The following STON2 variants were observed in gnomAD, a reference collection of about 807,000 sequenced individuals.
The protein encoded by STON2 is stonin 2, also known as stonin-2.
A neutral mutation model predicts 65.7 loss-of-function variants in STON2; 29 were observed. The ratio of observed to expected loss-of-function variants is 0.44; its 90% CI spans 0.33 to 0.60. The LOEUF (loss-of-function observed/expected upper bound fraction) is 0.60. Among genes scored for constraint, STON2 ranks in the 20% least tolerant of loss-of-function variants. The probability of loss-of-function intolerance (pLI) is 0.03; values close to 1 mark genes in which losing one functional copy is unlikely to be tolerated. For synonymous variants in STON2, 404 were observed against 414.2 expected, an observed-to-expected ratio of 0.98 and a Z score of 0.30; for missense variants, 1,054 against 1,118.1, an observed-to-expected ratio of 0.94 and a Z score of 0.82.
At position 81,391,618 on chromosome 14, in the gene STON2, T is replaced by C. The variant is rs149816320; in HGVS notation, c.373+4276A>G. Among the ~76,000 whole-genome samples the C allele has an allele frequency of 2.6e-5, 4 of 152,352 alleles. No individual in the cohort carries two copies. The East Asian group carries it at 7.7e-4, about 29-fold the overall frequency. On this transcript the variant is annotated intron_variant, in intron 3 of 7. Transcript: ENST00000614646. ...TGTACTCTGCAGCTTTTGATTCAGT[T>C]TAGGTTCATTGATGGGTCAAGTTGG... is the stretch of plus-strand genomic sequence containing the variant.
chr14:81,284,634 T>A (rs560270572), intron 5 of STON2, among the ~76,000 whole-genome samples: 13 of 152,294 alleles, frequency 8.5e-5, no homozygotes, highest in Admixed American at 8.5e-4. Flanking sequence ...ATCCAAAATA[T>A]TTACCTAATA....
chr14:81,396,003 A>C lies in STON2; in HGVS notation c.264T>G (p.Pro88=). The change falls in exon 3 of 8, where the codon CCT becomes CCG. Residue 88 remains proline, a synonymous_variant. Transcript: ENST00000614646. ...AGGCCAGGTCAGGTGGGGGCTGCTC[A>C]GGGCTCCCAGGTGGGGAAGCTGCTT... ...ISEAASPPGS[P]EQPPPDLASA... 6.2e-7 allele frequency: 1 copy of C among 1,614,148 alleles called. No homozygotes were observed. Among genetic ancestry groups the C allele is most frequent in the Admixed American group, 1.7e-5 (1 of 60,030 alleles).
chr14:81,313,994 G>C (rs1896531902), intron 5 of STON2, among the ~76,000 whole-genome samples: 1 of 152,188 alleles, frequency 6.6e-6, no homozygotes, highest in Non-Finnish European at 1.5e-5. Context: ...AGGTGATGTG[G>C]TGTGTGACTA....
At chr14:81,307,163 T>G (rs1291126089) in intron 5 of STON2, among the ~76,000 whole-genome samples, 1 of 152,158 alleles carries the variant, frequency 6.6e-6, no homozygotes, top group Non-Finnish European at 1.5e-5. Flanking sequence ...AAGAGAAATT[T>G]AAAAAACACA....
intron 4 of STON2, among the ~76,000 whole-genome samples, chr14:81,363,877 C>G (rs1843563240): frequency 1.3e-5 from 2 of 152,192 alleles, no homozygotes; most frequent in African/African-American, 2.4e-5. Flanking sequence ...CAAATCTGGG[C>G]CCTCCACTCT....
At chr14:81,309,350 A>G (rs1185687286) in intron 5 of STON2, among the ~76,000 whole-genome samples, 1 of 152,212 alleles carries the variant, frequency 6.6e-6, no homozygotes, top group African/African-American at 2.4e-5. Flanking sequence ...TCTAGTCTGT[A>G]TAATTCTAGA....
At chr14:81,345,947 C>T (rs1897794785) in intron 4 of STON2, among the ~76,000 whole-genome samples, 1 of 152,086 alleles carries the variant, frequency 6.6e-6, no homozygotes, top group Admixed American at 6.5e-5. Flanking sequence ...TTGTTGACAG[C>T]CCTGTTTGCA....
chr14:81,269,118 G>A (rs1894471871), intron 7 of STON2, among the ~76,000 whole-genome samples: 1 of 152,090 alleles, frequency 6.6e-6, no homozygotes, highest in South Asian at 2.1e-4. Flanking sequence ...TGATTCTCCT[G>A]CCTCATCCTC....
At chr14:81,339,005 G>A (rs937124835) in intron 4 of STON2, among the ~76,000 whole-genome samples, 9 of 152,088 alleles carry the variant, frequency 5.9e-5, no homozygotes, top group South Asian at 2.1e-4. Flanking sequence ...AAGAGTGTGT[G>A]TAGGGAGCAA....
Position 81,266,755 on chromosome 14 carries a change from C to T in STON2, c.*1659G>A. ...CCTCCATTTCTGTAAGGAAATATTT[C>T]TCTATAAACTACCGTGAAACCAGGT... On this transcript the variant is annotated 3_prime_UTR_variant, in exon 8 of 8. Transcript: ENST00000614646. 1.0e-6 allele frequency: 1 copy of T among 985,338 alleles called. No homozygotes were observed. The highest frequency in any genetic ancestry group is 1.2e-6 in the Non-Finnish European group (1 of 829,918). 61.0% of individuals were successfully genotyped at this position (985,338 alleles called of 1,614,324 possible).
intron 5 of STON2, among the ~76,000 whole-genome samples, chr14:81,293,869 G>C (rs1193192039): frequency 6.6e-6 from 1 of 152,174 alleles, no homozygotes; most frequent in Non-Finnish European, 1.5e-5. Flanking sequence ...GCACTGACCA[G>C]ATTGCTGATT....
intron 3 of STON2, among the ~76,000 whole-genome samples, chr14:81,376,370 G>A (rs181962625): frequency 3.5e-4 from 53 of 151,900 alleles, no homozygotes; most frequent in African/African-American, 1.2e-3. Flanking sequence ...ACATAAATAC[G>A]GATAAAACTA....
At chr14:81,422,268 T>G (rs73344104) in intron 2 of STON2, among the ~76,000 whole-genome samples, 3,646 of 152,130 alleles carry the variant, frequency 0.024, 151 homozygotes, top group African/African-American at 0.082. Context: ...AGAACTGAAG[T>G]TGAAAAGAGC....
intron 4 of STON2, among the ~76,000 whole-genome samples, chr14:81,369,561 G>C (rs926296306): frequency 6.6e-6 from 1 of 152,194 alleles, no homozygotes; most frequent in East Asian, 1.9e-4. Context: ...TTTCAACCCT[G>C]ATGGCCACTT....
chr14:81,429,989 T>C (rs1404330201), intron 1 of STON2, among the ~76,000 whole-genome samples: 1 of 151,920 alleles, frequency 6.6e-6, no homozygotes, highest in Non-Finnish European at 1.5e-5. Flanking sequence ...CTCTCCCACT[T>C]GACCCCTTTA....
intron 5 of STON2, among the ~76,000 whole-genome samples, chr14:81,305,708 A>G (rs1004577523): frequency 6.6e-6 from 1 of 152,132 alleles, no homozygotes; most frequent in East Asian, 1.9e-4. Flanking sequence ...TTCTTAATTT[A>G]CATGTGGTTT....
chr14:81,378,649 A>C (rs551705123), intron 3 of STON2, among the ~76,000 whole-genome samples: 2 of 152,284 alleles, frequency 1.3e-5, no homozygotes, highest in South Asian at 4.1e-4. Flanking sequence ...TATTTTGTTT[A>C]CTTTTGTACT....
intron 2 of STON2, among the ~76,000 whole-genome samples, chr14:81,409,471 A>G (rs1480699459): frequency 6.6e-6 from 1 of 151,630 alleles, no homozygotes; most frequent in Non-Finnish European, 1.5e-5. Flanking sequence ...ACACACACAC[A>G]TATTTCTTAG....
At chr14:81,384,831 T>A (rs2140405821) in intron 3 of STON2, among the ~76,000 whole-genome samples, 1 of 152,366 alleles carries the variant, frequency 6.6e-6, no homozygotes, top group African/African-American at 2.4e-5. Flanking sequence ...TATTTTGATG[T>A]TTAATCACCA....
Sources: gnomAD v4.1 joint callset for allele counts (sites outside exome capture counted in the v4.1 genomes callset) on GRCh38, gnomAD v4.1.1 for gene constraint, MANE v1.5 for transcripts, NCBI Gene and HGNC (gene_info 2026-07-23, HGNC 2026-07-21) for gene names.